TRAPPC9: variants seen among roughly 807,000 people sequenced by gnomAD.
The protein encoded by TRAPPC9 is trafficking protein particle complex subunit 9, also known as IKK2 binding protein.
In TRAPPC9, 83 loss-of-function variants were observed where a neutral mutation model predicts 124.0. The observed-to-expected ratio is 0.67, with a 90% CI of 0.56 to 0.80. The LOEUF (loss-of-function observed/expected upper bound fraction) is 0.80, where lower values mean the gene tolerates loss of function less well. TRAPPC9 is among the 30% of genes least tolerant of loss of function. The pLI is 0.00. For missense variants in TRAPPC9, 1,302 were observed against 1,508.3 expected, an observed-to-expected ratio of 0.86 and a Z score of 2.27; for synonymous variants, 638 against 617.5, an observed-to-expected ratio of 1.03 and a Z score of -0.49.
chr8:140,450,748 A>G, intron 2 of TRAPPC9, 42 bp downstream of exon 2: 1 of 1,490,110 alleles, frequency 6.7e-7, no homozygotes. Flanking sequence ...TCCCTTTCTG[A>G]TGCAGGGAAG....
intron 17 of TRAPPC9, among the ~76,000 whole-genome samples, chr8:140,113,165 C>T (rs2060814552): frequency 6.6e-6 from 1 of 152,096 alleles, no homozygotes; most frequent in African/African-American, 2.4e-5. Flanking sequence ...GAGCACAGGC[C>T]CAGCAGTGAC....
chr8:140,018,569 C>T (rs992523544), intron 18 of TRAPPC9, among the ~76,000 whole-genome samples: 1 of 151,944 alleles, frequency 6.6e-6, no homozygotes, highest in African/African-American at 2.4e-5. Context: ...CCTTGTGATC[C>T]ACCCACCTCA....
In TRAPPC9 at chr8:139,804,727, GCAC is replaced by G. The variant is rs1371595514; in HGVS notation, c.3056-72528_3056-72526del. On this transcript the variant is annotated intron_variant, in intron 21 of 22. Coordinates refer to ENST00000438773, the MANE Select transcript of TRAPPC9 (RefSeq NM_001160372.4). The stretch of plus-strand genomic sequence containing the variant: ...CACCACCACCCACCACCGGCACCAA[GCAC>G]CACCACCACCACCACCAAGCACCGC... Among the ~76,000 whole-genome samples, 54 of 43,850 alleles carry G rather than the reference GCAC, an allele frequency of 1.2e-3. 2 individuals carry two copies. The highest frequency in any genetic ancestry group is 4.8e-3 in the African/African-American group (47 of 9,824). The allele number at this position is 43,850 out of a possible 152,430, so 28.8% of individuals were successfully genotyped here. A position where few individuals can be genotyped will look rare whatever the true frequency, so the allele number is the denominator to read the frequency against.
chr8:140,422,618 G>T (rs912732123), intron 5 of TRAPPC9, among the ~76,000 whole-genome samples: 1 of 151,914 alleles, frequency 6.6e-6, no homozygotes, highest in Non-Finnish European at 1.5e-5. Context: ...GCCGGGCGTG[G>T]TGGCATGTGT....
intron 1 of TRAPPC9, among the ~76,000 whole-genome samples, chr8:140,457,291 G>T (rs1331476766): frequency 6.6e-6 from 1 of 152,210 alleles, no homozygotes; most frequent in Non-Finnish European, 1.5e-5. Flanking sequence ...CAGCTCGGAG[G>T]CACAGAGGGG....
chr8:140,341,251 G>A (rs2067186363), intron 9 of TRAPPC9, among the ~76,000 whole-genome samples: 1 of 152,094 alleles, frequency 6.6e-6, no homozygotes, highest in African/African-American at 2.4e-5. Context: ...AGCTCCACAG[G>A]ATGAATCCAT....
At chr8:140,175,721 T>A (rs2062054613) in intron 17 of TRAPPC9, among the ~76,000 whole-genome samples, 1 of 152,240 alleles carries the variant, frequency 6.6e-6, no homozygotes, top group Non-Finnish European at 1.5e-5. Flanking sequence ...AGCCTCTCTG[T>A]GTGCTGTGCT....
chr8:140,050,816 T>G (rs752942387), intron 17 of TRAPPC9, among the ~76,000 whole-genome samples: 26 of 151,826 alleles, frequency 1.7e-4, no homozygotes, highest in Non-Finnish European at 3.2e-4. Context: ...AGGGAAACAA[T>G]GGCATCCAGC....
intron 18 of TRAPPC9, among the ~76,000 whole-genome samples, chr8:139,992,372 C>G (rs1203771866): frequency 6.6e-6 from 1 of 151,888 alleles, no homozygotes; most frequent in Non-Finnish European, 1.5e-5. Flanking sequence ...TTATACTCAC[C>G]AAGTGAGCAT....
intron 21 of TRAPPC9, among the ~76,000 whole-genome samples, chr8:139,870,996 C>T (rs1412314447): frequency 6.6e-6 from 1 of 152,186 alleles, no homozygotes; most frequent in Admixed American, 6.5e-5. Flanking sequence ...TTCGCTCCCA[C>T]ACTTACTCGC....
rs142599881 is a variant in TRAPPC9 at position 139,825,365 on chromosome 8, C to T, written c.3055+60514G>A. Reference sequence around the variant, plus strand: ...TCCTGGTGCAGGCGGCACTGGCATCCTGTGAGGATGAAGGCCTGTCCATCC... The same window carrying T: ...TCCTGGTGCAGGCGGCACTGGCATCTTGTGAGGATGAAGGCCTGTCCATCC... On this transcript the variant is annotated intron_variant, in intron 21 of 22. Coordinates refer to ENST00000438773, the MANE Select transcript of TRAPPC9 (RefSeq NM_001160372.4). The surrounding 1 kb of genome is among the most constrained non-coding windows in gnomAD (Gnocchi z 4.6). 2.6e-5 allele frequency among the ~76,000 whole-genome samples: 4 copies of T among 152,296 alleles called. No individual in the cohort carries two copies. In the East Asian group the frequency reaches 7.7e-4, roughly 30 times the overall value.
At chr8:139,843,143 C>T (rs1826851472) in intron 21 of TRAPPC9, among the ~76,000 whole-genome samples, 1 of 152,202 alleles carries the variant, frequency 6.6e-6, no homozygotes, top group Admixed American at 6.5e-5. Flanking sequence ...ACACATAGGG[C>T]TAAGTGGAAG....
intron 19 of TRAPPC9, among the ~76,000 whole-genome samples, chr8:139,949,879 G>A (rs1834527109): frequency 6.6e-6 from 1 of 152,196 alleles, no homozygotes; most frequent in African/African-American, 2.4e-5. Context: ...TTAACGAGCT[G>A]TAAATAGGTG....
chr8:139,737,575 A>G (rs1818284918), intron 21 of TRAPPC9, among the ~76,000 whole-genome samples: 2 of 139,824 alleles, frequency 1.4e-5, no homozygotes, highest in South Asian at 4.4e-4. Flanking sequence ...GCCACCCTCC[A>G]TTTCCTGGTC....
chr8:140,116,848 G>C (rs935096520), intron 17 of TRAPPC9, among the ~76,000 whole-genome samples: 7 of 148,528 alleles, frequency 4.7e-5, no homozygotes, highest in African/African-American at 1.8e-4. Context: ...AGTAGGCGGA[G>C]TTCAGTAAGT....
At chr8:139,739,253 C>A (rs182449370) in intron 21 of TRAPPC9, among the ~76,000 whole-genome samples, 1 of 152,168 alleles carries the variant, frequency 6.6e-6, no homozygotes, top group Non-Finnish European at 1.5e-5. Flanking sequence ...GCCTGGGAAA[C>A]GTCCGGTGCC....
chr8:140,305,181 G>T (rs922268186), intron 10 of TRAPPC9, among the ~76,000 whole-genome samples: 1 of 152,090 alleles, frequency 6.6e-6, no homozygotes, highest in Non-Finnish European at 1.5e-5. Context: ...TCACAATCAC[G>T]CTCTCTCCCA....
At chr8:140,129,517 G>A (rs961664564) in intron 17 of TRAPPC9, among the ~76,000 whole-genome samples, 4 of 152,156 alleles carry the variant, frequency 2.6e-5, no homozygotes, top group African/African-American at 4.8e-5. Flanking sequence ...GTCTACACAC[G>A]GGGTGAGCCG....
At position 139,984,329 on chromosome 8, in the gene TRAPPC9, C is replaced by A. The variant is rs1482960575; in HGVS notation, c.2810+4397G>T. Among the ~76,000 whole-genome samples the A allele has an allele frequency of 6.6e-6, 1 of 152,196 alleles. No individual in the cohort carries two copies. Among genetic ancestry groups the A allele is most frequent in the Non-Finnish European group, 1.5e-5 (1 of 68,034 alleles). ...CACCACCTTCCGCTCCTGCTGGTAG[C>A]GATGAAGCTGGAGTCTCAGCCCCAC... On this transcript the variant is annotated intron_variant, in intron 19 of 22. Transcript: ENST00000438773. This position sits in a 1 kb window ranked among gnomAD's most constrained non-coding sequence, Gnocchi z 4.3.
Sources: allele counts gnomAD v4.1 joint callset (sites outside exome capture counted in the v4.1 genomes callset), GRCh38; gene constraint gnomAD v4.1.1; non-coding constraint Gnocchi (gnomAD v3.1); transcripts MANE v1.5; gene names NCBI Gene and HGNC (gene_info 2026-07-23, HGNC 2026-07-21).